DHX38: variants seen among roughly 807,000 people sequenced by gnomAD.
The protein encoded by DHX38 is pre-mRNA-splicing factor ATP-dependent RNA helicase PRP16.
Under a neutral mutation model 153.1 loss-of-function variants are expected in DHX38, and 100 were observed. The observed-to-expected ratio is 0.65, with a 90% CI of 0.56 to 0.77. The LOEUF (loss-of-function observed/expected upper bound fraction) is 0.77. DHX38 is among the 30% of genes least tolerant of loss of function. DHX38 has a pLI of 0.00. For synonymous variants in DHX38, 650 were observed against 631.7 expected, an observed-to-expected ratio of 1.03 and a Z score of -0.43; for missense variants, 1,440 against 1,654.0, an observed-to-expected ratio of 0.87 and a Z score of 2.24.
In DHX38 at chr16:72,096,494, T is replaced by C. The variant is rs1418196571; in HGVS notation, c.323+14T>C. The C allele has an allele frequency of 6.9e-6, 11 of 1,605,442 alleles. No individual in the cohort carries two copies. The highest frequency in any genetic ancestry group is 8.5e-6 in the Non-Finnish European group (10 of 1,176,150). On this transcript the variant is annotated intron_variant, in intron 2 of 26. Coordinates refer to ENST00000268482, the MANE Select transcript of DHX38 (RefSeq NM_014003.4). ...CCGGAAAGACAGGTAAAGGCCTTAGTATGGGTTAGCCCAGAGGGAAGCGAA... is the reference window on the plus strand; with the variant it reads ...CCGGAAAGACAGGTAAAGGCCTTAGCATGGGTTAGCCCAGAGGGAAGCGAA...
intron 19 of DHX38, among the ~76,000 whole-genome samples, chr16:72,106,720 G>A (rs2144166894): frequency 6.6e-6 from 1 of 152,216 alleles, no homozygotes; most frequent in East Asian, 1.9e-4. Context: ...CAAACTGTTG[G>A]CATTATAGGT....
rs184511349 is a variant in DHX38 at position 72,096,356 on chromosome 16, G to A, written c.199G>A (p.Asp67Asn). 7.1e-5 allele frequency: 114 copies of A among 1,614,202 alleles called. No individual in the cohort carries two copies. Among genetic ancestry groups the A allele is most frequent in the Admixed American group, 1.2e-4 (7 of 60,014 alleles). Residue 67 changes from aspartate to asparagine, a missense_variant, in exon 2 of 27, where the codon GAT (aspartate) becomes AAT (asparagine). Physicochemically the swap from Asp to Asn is conservative, Grantham distance 23. Transcript: ENST00000268482. ...ACGGAGAGAGCGAGAGGAGAAGGAC[G>A]ATGGGGAGGACAAGAAGAAGTCCAA... ...LKRREREEKD[D>N]GEDKKKSKVS...
intron 3 of DHX38, 174 bp from the exon 4 acceptor site, chr16:72,097,503 A>G (rs2042037484): frequency 1.7e-6 from 1 of 577,254 alleles, no homozygotes; most frequent in Non-Finnish European, 3.0e-6. Flanking sequence ...GGCAGTAACT[A>G]TTTTTCCCCC....
chr16:72,110,265 G>T (rs1002969871), intron 25 of DHX38, among the ~76,000 whole-genome samples: 6 of 152,186 alleles, frequency 3.9e-5, no homozygotes, highest in Non-Finnish European at 7.3e-5. Flanking sequence ...CCTGTGTTTC[G>T]TGCACTTGCT....
chr16:72,104,766 T>C lies in DHX38; in HGVS notation c.2151+140T>C. On this transcript the variant is annotated intron_variant, in intron 15 of 26. Transcript: ENST00000268482. The surrounding 1 kb of genome is among the most constrained non-coding windows in gnomAD (Gnocchi z 4.5). Reference sequence around the variant, plus strand: ...GGACCATGGGGCAAATGGGGCAGCCTGCAGCTCTGGGACTCGGGGACAAAG... The same window carrying C: ...GGACCATGGGGCAAATGGGGCAGCCCGCAGCTCTGGGACTCGGGGACAAAG... 8.0e-7 allele frequency: 1 copy of C among 1,248,132 alleles called. No individual in the cohort carries two copies. The highest frequency in any genetic ancestry group is 1.4e-5 in the South Asian group (1 of 73,704). 77.3% of individuals were successfully genotyped at this position (1,248,132 alleles called of 1,614,324 possible). A position where few individuals can be genotyped will look rare whatever the true frequency, so the allele number is the denominator to read the frequency against.
At chr16:72,101,224 TTA>T in intron 10 of DHX38, 31 bp downstream of exon 10, 2 of 1,611,632 alleles carry the variant, frequency 1.2e-6, no homozygotes, top group Non-Finnish European at 8.5e-7. Flanking sequence ...GCTGGGAAGT[TTA>T]TGTGTATTTT....
intron 24 of DHX38, 115 bp from the exon 25 acceptor site, chr16:72,109,300 C>T: frequency 8.5e-7 from 1 of 1,175,804 alleles, no homozygotes; most frequent in Non-Finnish European, 1.2e-6. Flanking sequence ...TTCCTTTTTT[C>T]AGCCTTGCAG....
At chr16:72,095,899 G>A (rs1244455770) in intron 1 of DHX38, among the ~76,000 whole-genome samples, 3 of 149,096 alleles carry the variant, frequency 2.0e-5, no homozygotes, top group Non-Finnish European at 3.0e-5. Flanking sequence ...TATGGGGTGT[G>A]TGTGTGTGTG....
At chr16:72,102,821 G>A (rs2042118744) in intron 11 of DHX38, among the ~76,000 whole-genome samples, 1 of 152,238 alleles carries the variant, frequency 6.6e-6, no homozygotes, top group South Asian at 2.1e-4. Context: ...ATGGTGATCT[G>A]TAAATCCTCC....
rs746718854 is a variant in DHX38, at chr16:72,103,624, G to T, written c.1660G>T (p.Val554Phe). The T allele has an allele frequency of 6.2e-7, 1 of 1,611,410 alleles. No individual in the cohort carries two copies. Among genetic ancestry groups the T allele is most frequent in the Admixed American group, 1.7e-5 (1 of 59,986 alleles). ...TAGAGACAACAGCATCGTGATCGTGGTTGGGGAGACGGGGAGTGGTAAGAC... is the reference window on the plus strand; with the variant it reads ...TAGAGACAACAGCATCGTGATCGTGTTTGGGGAGACGGGGAGTGGTAAGAC... ...IIRDNSIVIVVGETGSGKTTQ... is the reference protein window; with the variant it reads ...IIRDNSIVIVFGETGSGKTTQ... Residue 554 changes from valine to phenylalanine, a missense_variant, in exon 13 of 27, where the codon GTT becomes TTT. Val to Phe is a conservative substitution (Grantham distance 50). Transcript: ENST00000268482.
chr16:72,106,703 G>C (rs1401710235), intron 19 of DHX38, among the ~76,000 whole-genome samples: 1 of 152,080 alleles, frequency 6.6e-6, no homozygotes, highest in African/African-American at 2.4e-5. Flanking sequence ...CTTCTGTCTT[G>C]GCCTCCCAAA....
In DHX38 at chr16:72,108,239, G is replaced by A; in HGVS notation, c.2977G>A (p.Glu993Lys). The part of the protein sequence containing the change: ...IFYRPKGREE[E>K]SDQIREKFAV... ...TTTCCCTTCCTAGGGTCGAGAGGAGGAGAGTGATCAAATCCGGGAGAAGTT... is the reference window on the plus strand; with the variant it reads ...TTTCCCTTCCTAGGGTCGAGAGGAGAAGAGTGATCAAATCCGGGAGAAGTT... The change falls in exon 22 of 27, where the codon GAG becomes AAG. Residue 993 changes from glutamate (E) to lysine (K), a missense_variant. Around this residue, in one of 6 missense-constraint regions of DHX38, gnomAD observed 543 missense variants for 717.9 expected, o/e 0.76. Transcript: ENST00000268482. 9.3e-6 allele frequency: 15 copies of A among 1,614,078 alleles called. No individual in the cohort carries two copies. Among genetic ancestry groups the A allele is most frequent in the Non-Finnish European group, 1.3e-5 (15 of 1,180,014 alleles).
chr16:72,097,705 C>CA lies in DHX38; in HGVS notation c.541dup (p.Arg181LysfsTer11). On this transcript the variant is annotated frameshift_variant, in exon 4 of 27. Coordinates refer to ENST00000268482, the MANE Select transcript of DHX38 (RefSeq NM_014003.4). LOFTEE classifies it high-confidence loss of function. ...AGCGGGATAGAAGTAGGCACAGCAG[C>CA]AGATCAGAGCGAGATGGAGGGTCAG... The CA allele has an allele frequency of 6.2e-7, 1 of 1,614,118 alleles. No homozygotes were observed. The highest frequency in any genetic ancestry group is 8.5e-7 in the Non-Finnish European group (1 of 1,180,000).
rs763408919 is a variant in DHX38, at chr16:72,099,295, C to T, written c.960+15C>T. ...ATGACCAGAGGGTAAAGTTTTATAC[C>T]TCTGAGGGGCTGATCGGGGCTGGTG... On this transcript the variant is annotated intron_variant, in intron 7 of 26. Transcript: ENST00000268482. 2.3e-5 allele frequency: 37 copies of T among 1,593,952 alleles called. No individual in the cohort carries two copies. The South Asian group carries it at 3.3e-4, about 14-fold the overall frequency.
chr16:72,100,015 G>A, intron 8 of DHX38, 128 bp downstream of exon 8: 1 of 1,284,150 alleles, frequency 7.8e-7, no homozygotes, highest in Non-Finnish European at 1.1e-6. Flanking sequence ...CAGATCCTCT[G>A]GAGGTGGAAG....
chr16:72,108,962 C>T (rs761242744), intron 24 of DHX38, 37 bp downstream of exon 24: 3 of 1,551,552 alleles, frequency 1.9e-6, no homozygotes, highest in African/African-American at 1.4e-5. Context: ...AATGCAGGCC[C>T]CCTGTCTGGC....
chr16:72,107,487 G>A lies in DHX38; in HGVS notation c.2748G>A (p.Pro916=), dbSNP rs561045095. Reference sequence around the variant, plus strand: ...AGTTCCACTTCATGGACCCGCCCCCGGAGGACAACATGCTCAACTCTATGT... The same window carrying A: ...AGTTCCACTTCATGGACCCGCCCCCAGAGGACAACATGCTCAACTCTATGT... ...LLQFHFMDPP[P]EDNMLNSMYQ... is the part of the protein sequence containing the mutation. Residue 916 remains proline (P), a synonymous_variant, in exon 20 of 27, where the codon CCG becomes CCA. Transcript: ENST00000268482. This position sits in a 1 kb window ranked among gnomAD's most constrained non-coding sequence, Gnocchi z 5.3. 1.1e-5 allele frequency: 17 copies of A among 1,614,198 alleles called. No individual in the cohort carries two copies. Among genetic ancestry groups the A allele is most frequent in the East Asian group, 4.5e-5 (2 of 44,874 alleles).
At chr16:72,101,325 C>T (rs940174418) in intron 10 of DHX38, 132 bp downstream of exon 10, 62 of 1,164,652 alleles carry the variant, frequency 5.3e-5, no homozygotes, top group Non-Finnish European at 7.0e-5. Context: ...CCGACAGCTG[C>T]GGGGCCTGGT....
In DHX38 at chr16:72,108,402, G is replaced by T; in HGVS notation, c.3120+20G>T. On this transcript the variant is annotated intron_variant, in intron 22 of 26. Transcript: ENST00000268482. ...CGGAAGGTAGAGTGGTGGATGAGCA[G>T]GATGTTGGGATGAGGGGAGGGTCGA... 1.2e-6 allele frequency: 2 copies of T among 1,613,942 alleles called. No individual in the cohort carries two copies. Among genetic ancestry groups the T allele is most frequent in the Non-Finnish European group, 1.7e-6 (2 of 1,179,812 alleles).
Sources: allele counts gnomAD v4.1 joint callset (sites outside exome capture counted in the v4.1 genomes callset), GRCh38; gene constraint gnomAD v4.1.1; regional missense constraint gnomAD v4.1.1; non-coding constraint Gnocchi (gnomAD v3.1); transcripts MANE v1.5; gene names NCBI Gene and HGNC (gene_info 2026-07-23, HGNC 2026-07-21).